Variants in TENM1 observed in about 807,000 individuals in gnomAD.
The protein encoded by TENM1 is teneurin transmembrane protein 1.
TENM1 carries 35 observed loss-of-function variants against 174.8 expected under a neutral mutation model. The observed-to-expected ratio is 0.20, with a 90% CI of 0.15 to 0.27. TENM1 has a LOEUF of 0.27. Ranked by LOEUF, TENM1 falls within the 10% of genes least tolerant of loss-of-function variation. TENM1 has a pLI of 1.00. For missense variants in TENM1, 1,633 were observed against 2,130.1 expected (o/e 0.77, Z 4.59); for synonymous variants, 781 against 798.7 (o/e 0.98, Z 0.37).
intron 4 of TENM1, among the ~76,000 whole-genome samples, chrX:124,706,952 T>G (rs1402244878): frequency 9.6e-6 from 1 of 104,409 alleles, no homozygotes; most frequent in Non-Finnish European, 2.0e-5. Flanking sequence ...TAATCTTTTT[T>G]TTTTTTTTTT....
At chrX:124,737,720 C>T (rs1029455666) in intron 3 of TENM1, among the ~76,000 whole-genome samples, 2 of 112,373 alleles carry the variant, frequency 1.8e-5, no homozygotes, top group African/African-American at 3.2e-5. Flanking sequence ...AAACAGCTCA[C>T]GAGTGTGTCG....
intron 15 of TENM1, among the ~76,000 whole-genome samples, chrX:124,545,598 G>A (rs150859565): frequency 0.02 from 2,216 of 111,743 alleles, 24 homozygotes; most frequent in Non-Finnish European, 0.032. Flanking sequence ...CCTTAAATAG[G>A]AAAACAGGGA....
intron 15 of TENM1, among the ~76,000 whole-genome samples, chrX:124,545,410 C>T (rs1321225201): frequency 1.8e-5 from 2 of 112,361 alleles, no homozygotes; most frequent in African/African-American, 6.5e-5. Context: ...CTCTGGGTCA[C>T]AATGACTTGT....
the TENM1 span, among the ~76,000 whole-genome samples, chrX:125,070,166 G>A: frequency 9.2e-6 from 1 of 108,551 alleles, no homozygotes; most frequent in South Asian, 4.0e-4. Flanking sequence ...CCTCTAAGCT[G>A]GGAGACAGAG....
At chrX:124,408,630 ATTTC>A (rs1039709393) in intron 25 of TENM1, among the ~76,000 whole-genome samples, 49 of 106,516 alleles carry the variant, frequency 4.6e-4, no homozygotes, top group African/African-American at 1.3e-3. Flanking sequence ...CCCTTTCCTG[ATTTC>A]TTTCTTTCTT....
chrX:125,053,600 G>A, the TENM1 span, among the ~76,000 whole-genome samples: 2 of 111,942 alleles, frequency 1.8e-5, no homozygotes, highest in African/African-American at 6.5e-5. Flanking sequence ...CTTCACCTCT[G>A]CCACCCTTTT....
At chrX:124,786,241 A>AG (rs2055034233) in intron 3 of TENM1, among the ~76,000 whole-genome samples, 1 of 108,950 alleles carries the variant, frequency 9.2e-6, no homozygotes, top group South Asian at 3.8e-4. Flanking sequence ...GACACGAATA[A>AG]ATAGGTATTT....
chrX:124,752,319 G>A (rs903088669), intron 3 of TENM1, among the ~76,000 whole-genome samples: 19 of 111,561 alleles, frequency 1.7e-4, no homozygotes, highest in South Asian at 3.8e-4. Flanking sequence ...CATGTCCTTC[G>A]CCCACTTTTT....
intron 3 of TENM1, among the ~76,000 whole-genome samples, chrX:124,783,610 A>C (rs927561636): frequency 3.6e-5 from 4 of 112,011 alleles, no homozygotes; most frequent in Non-Finnish European, 5.6e-5. Flanking sequence ...TTCAATAAAA[A>C]AATCGATGAC....
chrX:124,601,664 G>T (rs1320675596), intron 11 of TENM1, among the ~76,000 whole-genome samples: 1 of 110,640 alleles, frequency 9.0e-6, no homozygotes, highest in African/African-American at 3.3e-5. Context: ...AGTGAGGTTG[G>T]TGGCTGAATT....
chrX:125,135,332 C>G, the TENM1 span, among the ~76,000 whole-genome samples: 1 of 111,565 alleles, frequency 9.0e-6, no homozygotes, highest in African/African-American at 3.3e-5. Flanking sequence ...TATAAAGCAC[C>G]TTCTGCATTA....
chrX:124,735,963 A>C (rs2053660639), intron 4 of TENM1, among the ~76,000 whole-genome samples: 1 of 111,416 alleles, frequency 9.0e-6, no homozygotes, highest in African/African-American at 3.3e-5. Flanking sequence ...GAGGGTTAGA[A>C]AATTACCTAT....
chrX:125,172,198 G>A, the TENM1 span, among the ~76,000 whole-genome samples: 85 of 111,277 alleles, frequency 7.6e-4, no homozygotes, highest in Middle Eastern at 4.7e-3. Flanking sequence ...AATGTTTCAC[G>A]GGCCTTAAAG....
At chrX:125,003,189 AG>A in the TENM1 span, among the ~76,000 whole-genome samples, 1 of 111,579 alleles carries the variant, frequency 9.0e-6, no homozygotes, top group Non-Finnish European at 1.9e-5. Flanking sequence ...AGTAGGAAAA[AG>A]TTTGAGGAAA....
chrX:124,561,065 C>CGAT (rs2048808664), intron 14 of TENM1, among the ~76,000 whole-genome samples: 1 of 111,546 alleles, frequency 9.0e-6, no homozygotes, highest in African/African-American at 3.3e-5. Flanking sequence ...TAAATTGTCT[C>CGAT]GATGCTATGT....
At chrX:125,124,528 A>G in the TENM1 span, among the ~76,000 whole-genome samples, 1 of 112,074 alleles carries the variant, frequency 8.9e-6, no homozygotes, top group Non-Finnish European at 1.9e-5. Context: ...AAATGCGACT[A>G]GGAAGCAGCT....
intron 11 of TENM1, among the ~76,000 whole-genome samples, chrX:124,632,396 T>G (rs2050782481): frequency 9.0e-6 from 1 of 111,109 alleles, no homozygotes; most frequent in African/African-American, 3.3e-5. Context: ...TAGAAACATT[T>G]TTGCTAGGAT....
At chrX:124,606,564 T>C (rs2050162421) in intron 11 of TENM1, among the ~76,000 whole-genome samples, 1 of 111,600 alleles carries the variant, frequency 9.0e-6, no homozygotes, top group South Asian at 3.7e-4. Flanking sequence ...GATGGTTAGA[T>C]ACATTAATGT....
chrX:125,089,315 G>T, the TENM1 span, among the ~76,000 whole-genome samples: 464 of 112,044 alleles, frequency 4.1e-3, 2 homozygotes, highest in Non-Finnish European at 6.2e-3. Flanking sequence ...TCTACAGCCA[G>T]ATCATTTTAA....
Sources: gnomAD v4.1 joint callset for allele counts (sites outside exome capture counted in the v4.1 genomes callset) on GRCh38, gnomAD v4.1.1 for gene constraint, MANE v1.5 for transcripts, NCBI Gene and HGNC (gene_info 2026-07-23, HGNC 2026-07-21) for gene names.